CKMT2: variants seen among roughly 807,000 people sequenced by gnomAD.
CKMT2 encodes the protein creatine kinase S-type, mitochondrial.
CKMT2 carries 43 observed loss-of-function variants against 48.9 expected under a neutral mutation model. The ratio of observed to expected loss-of-function variants is 0.88; its 90% CI spans 0.69 to 1.13. The LOEUF (loss-of-function observed/expected upper bound fraction) is 1.13, where lower values mean the gene tolerates loss of function less well. Ranked by LOEUF, CKMT2 falls within the 50% of genes most tolerant of loss-of-function variation. CKMT2 has a pLI of 0.00. For synonymous variants in CKMT2, 206 were observed against 213.0 expected, an observed-to-expected ratio of 0.97 and a Z score of 0.29; for missense variants, 472 against 555.4, an observed-to-expected ratio of 0.85 and a Z score of 1.51.
rs759300935 is a variant in CKMT2, at chr5:81,266,223, G to A, written c.1225G>A (p.Val409Met). 1.4e-5 allele frequency: 22 copies of A among 1,613,344 alleles called. No individual in the cohort carries two copies. The highest frequency in any genetic ancestry group is 2.2e-5 in the East Asian group (1 of 44,848). Residue 409 changes from valine to methionine, a missense_variant, in exon 10 of 10, where the codon GTG (valine) becomes ATG (methionine). Physicochemically the swap from Val to Met is conservative, Grantham distance 21. Transcript: ENST00000254035. ...KKLERGQDIK[V>M]PPPLPQFGKK ...GTTGGAGAGAGGCCAAGATATTAAG[G>A]TGCCACCCCCTCTGCCTCAGTTTGG...
At position 81,237,242 on chromosome 5, in the gene CKMT2, G is replaced by A. The variant is rs1418425041; in HGVS notation, c.-21+3865G>A. Among the ~76,000 whole-genome samples the A allele has an allele frequency of 2.6e-5, 4 of 152,202 alleles. No individual in the cohort carries two copies. In the East Asian group the frequency reaches 7.7e-4, roughly 29 times the overall value. Reference sequence around the variant, plus strand: ...GCCGAGTGCTGGCTGGAATAATCAGGTGTGGCTTTGGGGAGGGAGTGATGA... The same window carrying A: ...GCCGAGTGCTGGCTGGAATAATCAGATGTGGCTTTGGGGAGGGAGTGATGA... On this transcript the variant is annotated intron_variant, in intron 1 of 9. Coordinates refer to ENST00000254035, the MANE Select transcript of CKMT2 (RefSeq NM_001099735.2).
intron 1 of CKMT2, among the ~76,000 whole-genome samples, chr5:81,241,733 C>T (rs1304110139): frequency 6.6e-6 from 1 of 152,234 alleles, no homozygotes; most frequent in Non-Finnish European, 1.5e-5. Flanking sequence ...TATTTGCTTG[C>T]CCACATAAAA....
chr5:81,247,428 A>G (rs1017355970), intron 1 of CKMT2, among the ~76,000 whole-genome samples: 1 of 152,202 alleles, frequency 6.6e-6, no homozygotes, highest in Admixed American at 6.5e-5. Flanking sequence ...CAAATAACAA[A>G]TCAAGCCTCT....
At chr5:81,263,714 ACCT>A in intron 9 of CKMT2, 98 bp downstream of exon 9, 1 of 1,166,460 alleles carries the variant, frequency 8.6e-7, no homozygotes, top group Non-Finnish European at 1.2e-6. Context: ...AAAATTCGAG[ACCT>A]CCTCTTCGCC....
chr5:81,257,141 AGTGTGTGTGTGTGT>A lies in CKMT2; in HGVS notation c.755+170_755+183del, dbSNP rs3830407. On this transcript the variant is annotated intron_variant, in intron 6 of 9. Coordinates refer to ENST00000254035, the MANE Select transcript of CKMT2 (RefSeq NM_001099735.2). ...CTAAATGGAAAAAGACTACTTGGAAAGTGTGTGTGTGTGTGTGTGTGTGTGTGTGTGTGTGTGTG... is the reference window on the plus strand; with the variant it reads ...CTAAATGGAAAAAGACTACTTGGAAAGTGTGTGTGTGTGTGTGTGTGTGTG... The A allele has an allele frequency of 5.1e-3, 2,559 of 498,754 alleles. 24 individuals are homozygous for A. Among genetic ancestry groups the A allele is most frequent in the African/African-American group, 0.026 (1,296 of 49,512 alleles). 30.9% of individuals were successfully genotyped at this position (498,754 alleles called of 1,614,324 possible).
At chr5:81,260,976 T>A (rs1413289115) in intron 8 of CKMT2, among the ~76,000 whole-genome samples, 1 of 152,200 alleles carries the variant, frequency 6.6e-6, no homozygotes, top group Non-Finnish European at 1.5e-5. Context: ...AATAAAATAC[T>A]GGCAAACCGA....
rs528071367 is a variant in CKMT2 at position 81,259,528 on chromosome 5, T to C, written c.1014+274T>C. ...CAGGATAGGTAGGCTCTGCTCTCTC[T>C]GGTTCTTTCTATCTCCTTTCTCCAT... On this transcript the variant is annotated intron_variant, in intron 8 of 9. Coordinates refer to ENST00000254035, the MANE Select transcript of CKMT2 (RefSeq NM_001099735.2). 13 of 278,770 alleles carry C rather than the reference T, an allele frequency of 4.7e-5. No homozygotes were observed. The South Asian group carries it at 1.5e-3, about 33-fold the overall frequency. The allele number at this position is 278,770 out of a possible 1,614,324, so 17.3% of individuals were successfully genotyped here.
chr5:81,258,880 C>A (rs367580237), intron 7 of CKMT2, among the ~76,000 whole-genome samples: 1 of 152,178 alleles, frequency 6.6e-6, no homozygotes, highest in East Asian at 1.9e-4. Context: ...TTCAAGACAC[C>A]GGTCCCTGAT....
At chr5:81,243,952 C>T in intron 1 of CKMT2, 1 of 893,002 alleles carries the variant, frequency 1.1e-6, no homozygotes, top group Non-Finnish European at 1.3e-6. Context: ...CTTGGCCTCC[C>T]AAAGTGCTGG....
At chr5:81,263,830 C>T (rs1335935074) in intron 9 of CKMT2, among the ~76,000 whole-genome samples, 1 of 152,140 alleles carries the variant, frequency 6.6e-6, no homozygotes, top group African/African-American at 2.4e-5. Context: ...AATTTATAGG[C>T]AAGTATAGGA....
chr5:81,252,017 TACC>T (rs2112804754), intron 2 of CKMT2: 1 of 154,156 alleles, frequency 6.5e-6, no homozygotes, highest in African/African-American at 2.4e-5. Context: ...CTCACTGCTC[TACC>T]ACCTTCTGGA....
chr5:81,248,750 T>A (rs1756697243), intron 1 of CKMT2, among the ~76,000 whole-genome samples: 1 of 152,238 alleles, frequency 6.6e-6, no homozygotes, highest in Non-Finnish European at 1.5e-5. Flanking sequence ...TTTCCTGGGC[T>A]ATCCTGTAAC....
chr5:81,259,349 C>G lies in CKMT2; in HGVS notation c.1014+95C>G, dbSNP rs564349880. On this transcript the variant is annotated intron_variant, in intron 8 of 9. Transcript: ENST00000254035. ...AAAACATCACTGCCCATTCCTTAAC[C>G]CTTACTTTCTCTATCTACAATATAA... The G allele has an allele frequency of 5.2e-5, 58 of 1,113,006 alleles. No individual in the cohort carries two copies. In the African/African-American group the frequency reaches 6.1e-4, roughly 12 times the overall value. The allele number at this position is 1,113,006 out of a possible 1,614,324, so 68.9% of individuals were successfully genotyped here.
At chr5:81,256,226 G>A (rs1757004584) in intron 5 of CKMT2, among the ~76,000 whole-genome samples, 1 of 152,132 alleles carries the variant, frequency 6.6e-6, no homozygotes, top group African/African-American at 2.4e-5. Context: ...ATATTGCAGT[G>A]GTTAAAGGCA....
At chr5:81,235,811 T>C (rs1291741503) in intron 1 of CKMT2, 1 of 152,202 alleles carries the variant, frequency 6.6e-6, no homozygotes, top group African/African-American at 2.4e-5. Flanking sequence ...AACAGGATAT[T>C]ATTGCTTTTG....
chr5:81,262,238 C>G (rs537581139), intron 8 of CKMT2, among the ~76,000 whole-genome samples: 1 of 151,910 alleles, frequency 6.6e-6, no homozygotes, highest in Non-Finnish European at 1.5e-5. Context: ...CCATAAAAAC[C>G]CTAGAAGAAA....
At chr5:81,254,076 C>T (rs1307874904) in intron 3 of CKMT2, among the ~76,000 whole-genome samples, 3 of 152,192 alleles carry the variant, frequency 2.0e-5, no homozygotes, top group Admixed American at 6.5e-5. Context: ...AATTCCTAAC[C>T]GTAAGTATTT....
intron 1 of CKMT2, among the ~76,000 whole-genome samples, chr5:81,246,140 G>A (rs551356413): frequency 6.6e-6 from 1 of 151,444 alleles, no homozygotes; most frequent in East Asian, 2.0e-4. Flanking sequence ...TTCTCCACTG[G>A]CAGCCAGAGC....
At chr5:81,238,288 C>G (rs890056826) in intron 1 of CKMT2, 4 of 151,962 alleles carry the variant, frequency 2.6e-5, no homozygotes, top group African/African-American at 9.7e-5. Context: ...GAGCAGAGAT[C>G]GCGCCACTGC....
Sources: allele counts gnomAD v4.1 joint callset (sites outside exome capture counted in the v4.1 genomes callset), GRCh38; gene constraint gnomAD v4.1.1; transcripts MANE v1.5; gene names NCBI Gene and HGNC (gene_info 2026-07-23, HGNC 2026-07-21).